Variants in NUP210L observed in about 807,000 individuals in gnomAD.
NUP210L encodes nucleoporin 210 like, also known as nuclear pore membrane glycoprotein 210-like.
Under a neutral mutation model 208.5 loss-of-function variants are expected in NUP210L, and 74 were observed. The ratio of observed to expected loss-of-function variants is 0.35; its 90% CI spans 0.29 to 0.43. The LOEUF (loss-of-function observed/expected upper bound fraction) is 0.43, where lower values mean the gene tolerates loss of function less well. Ranked by LOEUF, NUP210L falls within the 20% of genes least tolerant of loss-of-function variation. The pLI is 1.00. For synonymous variants in NUP210L, 780 were observed against 816.9 expected (o/e 0.95, Z 0.77); for missense variants, 1,843 against 2,289.4 (o/e 0.81, Z 3.98).
chr1:154,152,435 A>T (rs1249065137), intron 2 of NUP210L, among the ~76,000 whole-genome samples: 1 of 151,338 alleles, frequency 6.6e-6, no homozygotes, highest in East Asian at 2.0e-4. Context: ...CGGCCTCCCA[A>T]AGTGGGGGGA....
At chr1:154,049,099 T>C (rs892295771) in intron 25 of NUP210L, among the ~76,000 whole-genome samples, 2 of 152,220 alleles carry the variant, frequency 1.3e-5, no homozygotes, top group African/African-American at 4.8e-5. Flanking sequence ...ATTTCAATCA[T>C]TTCTCTACAG....
chr1:154,089,286 A>G (rs1655779997), intron 16 of NUP210L, 135 bp downstream of exon 16: 1 of 759,716 alleles, frequency 1.3e-6, no homozygotes, highest in Non-Finnish European at 2.2e-6. Context: ...CAGTTCCTCA[A>G]AAAATTAAAA....
At chr1:154,150,423 AAAATTTTAT>A (rs1659321928) in intron 2 of NUP210L, among the ~76,000 whole-genome samples, 2 of 151,472 alleles carry the variant, frequency 1.3e-5, no homozygotes, top group Admixed American at 6.6e-5. Context: ...CATCATAAAC[AAAATTTTAT>A]AATAAGCACT....
intron 16 of NUP210L, among the ~76,000 whole-genome samples, chr1:154,071,352 G>T (rs1274272201): frequency 6.6e-6 from 1 of 151,716 alleles, no homozygotes; most frequent in Non-Finnish European, 1.5e-5. Flanking sequence ...TTACAAGTAA[G>T]TTCTTTAGTG....
At position 154,099,316 on chromosome 1, in the gene NUP210L, G is replaced by A. The variant is rs371718845; in HGVS notation, c.1965+682C>T. 1.2e-4 allele frequency among the ~76,000 whole-genome samples: 18 copies of A among 152,194 alleles called. No homozygotes were observed. In the East Asian group the frequency reaches 1.9e-3, roughly 16 times the overall value. On this transcript the variant is annotated intron_variant, in intron 14 of 39. Coordinates refer to ENST00000368559, the Ensembl canonical transcript of NUP210L. ...CCAAAGCTGCACCCAGGGAGCTCCCGCCCCACCAGCTCAGAAGGAGTGGGG... is the reference window on the plus strand; with the variant it reads ...CCAAAGCTGCACCCAGGGAGCTCCCACCCCACCAGCTCAGAAGGAGTGGGG...
intron 16 of NUP210L, among the ~76,000 whole-genome samples, chr1:154,073,535 C>T (rs960497727): frequency 6.6e-6 from 1 of 151,900 alleles, no homozygotes; most frequent in Non-Finnish European, 1.5e-5. Context: ...TAAATAAGGG[C>T]CATGCATCGT....
At chr1:154,056,785 T>G (rs754010410) in intron 23 of NUP210L, 30 bp downstream of exon 23, 2 of 1,543,584 alleles carry the variant, frequency 1.3e-6, no homozygotes, top group South Asian at 2.5e-5. Context: ...CAAGAAAAAG[T>G]ACAAATTTTG....
intron 29 of NUP210L, among the ~76,000 whole-genome samples, chr1:154,026,853 C>T (rs930786711): frequency 3.1e-4 from 47 of 151,970 alleles, no homozygotes; most frequent in East Asian, 3.9e-4. Flanking sequence ...GAGGCCGAGC[C>T]GGGAGGATCG....
chr1:154,049,196 T>C lies in NUP210L; in HGVS notation c.3484-2827A>G, dbSNP rs1317691651. Reference sequence around the variant, plus strand: ...CCCCTGAAGTATATCAAAGTAGTTATATTTTGCATTGTGAAGGGCCCAATG... The same window carrying C: ...CCCCTGAAGTATATCAAAGTAGTTACATTTTGCATTGTGAAGGGCCCAATG... On this transcript the variant is annotated intron_variant, in intron 25 of 39. Transcript: ENST00000368559. Among the ~76,000 whole-genome samples, 4 of 152,174 alleles carry C rather than the reference T, an allele frequency of 2.6e-5. No homozygotes were observed. The South Asian group carries it at 6.2e-4, about 24-fold the overall frequency.
At chr1:154,050,492 C>T (rs1557940552) in intron 25 of NUP210L, among the ~76,000 whole-genome samples, 1 of 151,862 alleles carries the variant, frequency 6.6e-6, no homozygotes, top group South Asian at 2.1e-4. Context: ...TGTCCAAGAG[C>T]AGGACTTAGT....
At chr1:153,994,141 A>G (rs1324790661) in intron 38 of NUP210L, among the ~76,000 whole-genome samples, 4 of 152,050 alleles carry the variant, frequency 2.6e-5, no homozygotes, top group Non-Finnish European at 4.4e-5. Context: ...TGGCCTCCCA[A>G]AGTGCTAGGA....
chr1:154,103,395 G>A (rs566395153), intron 13 of NUP210L, among the ~76,000 whole-genome samples: 59 of 139,366 alleles, frequency 4.2e-4, no homozygotes, highest in Admixed American at 2.0e-3. Context: ...ACACTGGGCC[G>A]GGCGCGGTGG....
At position 154,054,757 on chromosome 1, in the gene NUP210L, C is replaced by A; in HGVS notation, c.3303+13G>T. ...GAAAAGGTAAATCTTATTTTTTCTG[C>A]CTGTAAGTTCACCTGCATCATATTC... On this transcript the variant is annotated intron_variant, in intron 24 of 39. Transcript: ENST00000368559. The A allele has an allele frequency of 1.3e-6, 2 of 1,590,556 alleles. No homozygotes were observed. Among genetic ancestry groups the A allele is most frequent in the South Asian group, 1.1e-5 (1 of 90,558 alleles).
chr1:154,076,531 G>C (rs1265733265), intron 16 of NUP210L, among the ~76,000 whole-genome samples: 1 of 152,030 alleles, frequency 6.6e-6, no homozygotes, highest in Non-Finnish European at 1.5e-5. Flanking sequence ...TAACAAAAAA[G>C]AACCAAAAAG....
chr1:154,133,537 TAAAA>T (rs144993679), intron 7 of NUP210L, among the ~76,000 whole-genome samples: 1 of 130,610 alleles, frequency 7.7e-6, no homozygotes, highest in African/African-American at 2.8e-5. Context: ...ACTCTATCTC[TAAAA>T]AAAAAAAAAA....
intron 17 of NUP210L, among the ~76,000 whole-genome samples, chr1:154,066,897 A>G (rs1654450445): frequency 6.6e-6 from 1 of 152,218 alleles, no homozygotes; most frequent in South Asian, 2.1e-4. Context: ...ACCAGGAAGA[A>G]GCTGAATCAC....
intron 14 of NUP210L, among the ~76,000 whole-genome samples, chr1:154,096,688 G>A (rs1656194748): frequency 6.6e-6 from 1 of 151,990 alleles, no homozygotes; most frequent in Non-Finnish European, 1.5e-5. Flanking sequence ...TGGAGGCAGA[G>A]GTTGCAGTGA....
chr1:154,069,398 G>T (rs1654587512), intron 17 of NUP210L, among the ~76,000 whole-genome samples: 1 of 152,184 alleles, frequency 6.6e-6, no homozygotes, highest in Non-Finnish European at 1.5e-5. Context: ...GATATGGACA[G>T]ACACTTTTCA....
At chr1:154,031,862 C>T (rs1401427533) in intron 27 of NUP210L, among the ~76,000 whole-genome samples, 4 of 151,768 alleles carry the variant, frequency 2.6e-5, no homozygotes, top group African/African-American at 9.7e-5. Context: ...GCAGGGACTA[C>T]AGGCATGCAC....
Sources: gnomAD v4.1 joint callset for allele counts (sites outside exome capture counted in the v4.1 genomes callset) on GRCh38, gnomAD v4.1.1 for gene constraint, MANE v1.5 for transcripts, NCBI Gene and HGNC (gene_info 2026-07-23, HGNC 2026-07-21) for gene names.